The following KIF18A variants were observed in gnomAD, a reference collection of about 807,000 sequenced individuals.
KIF18A encodes kinesin family member 18A, also known as kinesin-like protein KIF18A.
A neutral mutation model predicts 103.3 loss-of-function variants in KIF18A; 67 were observed. The observed-to-expected ratio is 0.65, with a 90% confidence interval of 0.53 to 0.79. KIF18A has a LOEUF of 0.79. KIF18A is among the 30% of genes least tolerant of loss of function. KIF18A has a pLI of 0.00. For synonymous variants in KIF18A, 367 were observed against 355.5 expected (o/e 1.03, Z -0.36); for missense variants, 1,032 against 1,062.5 (o/e 0.97, Z 0.40).
At position 28,091,343 on chromosome 11, in the gene KIF18A, C is replaced by T. The variant is rs1014696907; in HGVS notation, c.588+66G>A. On this transcript the variant is annotated intron_variant, in intron 4 of 16. Coordinates refer to ENST00000263181, the MANE Select transcript of KIF18A (RefSeq NM_031217.4). ...AACAGGATGGAAAGTAAGTGCATGG[C>T]TGGTGAAAATAGCTTAATAGTCACA... 1.8e-5 allele frequency: 14 copies of T among 794,990 alleles called. No homozygotes were observed. The East Asian group carries it at 3.2e-4, about 18-fold the overall frequency. 49.2% of individuals were successfully genotyped at this position (794,990 alleles called of 1,614,324 possible).
At chr11:28,073,009 T>A (rs1851040862) in intron 10 of KIF18A, among the ~76,000 whole-genome samples, 1 of 152,156 alleles carries the variant, frequency 6.6e-6, no homozygotes, top group African/African-American at 2.4e-5. Context: ...AAAGACTGCA[T>A]TTTGGCTACA....
In KIF18A at chr11:28,066,773, T is replaced by C. The variant is rs1053217280; in HGVS notation, c.1590+2486A>G. On this transcript the variant is annotated intron_variant, in intron 11 of 16. Coordinates refer to ENST00000263181, the MANE Select transcript of KIF18A (RefSeq NM_031217.4). ...CCCAAAAAGGTCAGAATCATTGTTCTGGAAGAGAAATTATATTATATTATA... is the reference window on the plus strand; with the variant it reads ...CCCAAAAAGGTCAGAATCATTGTTCCGGAAGAGAAATTATATTATATTATA... 2.0e-5 allele frequency among the ~76,000 whole-genome samples: 3 copies of C among 147,192 alleles called. No individual in the cohort carries two copies. In the East Asian group the frequency reaches 5.9e-4, roughly 29 times the overall value.
Position 28,077,148 on chromosome 11 carries a change from G to A in KIF18A, c.1284C>T (p.Cys428=), listed in dbSNP as rs1430933750. The A allele has an allele frequency of 6.3e-7, 1 of 1,574,948 alleles. No individual in the cohort carries two copies. The highest frequency in any genetic ancestry group is 8.6e-7 in the Non-Finnish European group (1 of 1,168,824). The stretch of plus-strand genomic sequence containing the variant: ...TAATTTCTTCTCGATTCTGGAACAA[G>A]CAGTTCAGGATTTCTTGAAACCTAC... ...EIERFQEILN[C]LFQNREEIRQ... is the part of the protein sequence containing the mutation. The change falls in exon 10 of 17, where the codon TGC becomes TGT. Residue 428 remains cysteine, a synonymous_variant. Coordinates refer to ENST00000263181, the MANE Select transcript of KIF18A (RefSeq NM_031217.4).
At chr11:28,050,744 C>A (rs559108751) in intron 13 of KIF18A, among the ~76,000 whole-genome samples, 1 of 151,764 alleles carries the variant, frequency 6.6e-6, no homozygotes, top group African/African-American at 2.4e-5. Flanking sequence ...GCTGTCAGCA[C>A]CCCCGTCTTG....
At chr11:28,027,230 A>C (rs1250828412) in intron 15 of KIF18A, among the ~76,000 whole-genome samples, 3 of 152,010 alleles carry the variant, frequency 2.0e-5, no homozygotes, top group Non-Finnish European at 4.4e-5. Context: ...AGGTAGAGGA[A>C]GTCAGATCCA....
chr11:28,055,598 G>C (rs180896383), intron 13 of KIF18A, among the ~76,000 whole-genome samples: 10 of 152,242 alleles, frequency 6.6e-5, no homozygotes, highest in Non-Finnish European at 1.3e-4. Context: ...GGGCAAATCA[G>C]AAATAGGCAG....
intron 13 of KIF18A, among the ~76,000 whole-genome samples, chr11:28,051,559 C>T (rs951624459): frequency 2.0e-5 from 3 of 151,724 alleles, no homozygotes; most frequent in African/African-American, 7.3e-5. Context: ...AATGGAAAGG[C>T]CTTTTGAGGA....
chr11:28,078,070 A>G (rs929425629), intron 9 of KIF18A, among the ~76,000 whole-genome samples: 7 of 152,196 alleles, frequency 4.6e-5, no homozygotes, highest in Admixed American at 2.6e-4. Context: ...ATAAACATTC[A>G]TAACAGTGAA....
intron 11 of KIF18A, among the ~76,000 whole-genome samples, chr11:28,064,397 A>G (rs1850891446): frequency 6.6e-6 from 1 of 152,002 alleles, no homozygotes; most frequent in Admixed American, 6.6e-5. Context: ...ATTACTAGTT[A>G]GAAAATTGGA....
intron 11 of KIF18A, among the ~76,000 whole-genome samples, chr11:28,066,618 C>G (rs1177900909): frequency 6.6e-6 from 1 of 151,432 alleles, no homozygotes; most frequent in African/African-American, 2.4e-5. Context: ...AATCTTGTGT[C>G]AATGGAAGGG....
intron 13 of KIF18A, among the ~76,000 whole-genome samples, chr11:28,037,169 G>A (rs142576783): frequency 6.6e-6 from 1 of 151,468 alleles, no homozygotes; most frequent in African/African-American, 2.4e-5. Flanking sequence ...TAGGGTTTGG[G>A]TGTCAGTGAC....
intron 7 of KIF18A, 80 bp from the exon 8 acceptor site, chr11:28,083,323 A>G (rs1302868201): frequency 1.4e-6 from 2 of 1,396,924 alleles, no homozygotes; most frequent in South Asian, 1.6e-5. Context: ...ATGACATTGC[A>G]TTTTCATTGA....
At position 28,084,757 on chromosome 11, in the gene KIF18A, T is replaced by C; in HGVS notation, c.949A>G (p.Lys317Glu). 6.2e-7 allele frequency: 1 copy of C among 1,613,298 alleles called. No individual in the cohort carries two copies. The highest frequency in any genetic ancestry group is 8.5e-7 in the Non-Finnish European group (1 of 1,179,368). The change falls in exon 7 of 17, where the codon AAG becomes GAG. Residue 317 changes from lysine to glutamate, a missense_variant. Coordinates refer to ENST00000263181, the MANE Select transcript of KIF18A (RefSeq NM_031217.4). ...TGACAGTTTCCTCCAAGAGAATCCT[T>C]TAACAAGCGAGTAAGCTTACTATTT... ...YRNSKLTRLL[K>E]DSLGGNCQTI...
intron 13 of KIF18A, among the ~76,000 whole-genome samples, chr11:28,039,534 G>A (rs1850533908): frequency 6.6e-6 from 1 of 151,692 alleles, no homozygotes; most frequent in Admixed American, 6.6e-5. Context: ...AGTGGCAACT[G>A]GGCAAATTCC....
intron 1 of KIF18A, among the ~76,000 whole-genome samples, chr11:28,101,512 C>T (rs1016684732): frequency 1.3e-5 from 2 of 152,104 alleles, no homozygotes; most frequent in East Asian, 1.9e-4. Context: ...AGCTCTATGA[C>T]GTACTGACTG....
chr11:28,064,128 TC>T (rs1304315002), intron 11 of KIF18A, among the ~76,000 whole-genome samples: 1 of 151,204 alleles, frequency 6.6e-6, no homozygotes, highest in African/African-American at 2.4e-5. Context: ...TCATTATACT[TC>T]AAGAAATATA....
intron 16 of KIF18A, among the ~76,000 whole-genome samples, chr11:28,022,353 C>T (rs1228021826): frequency 1.3e-5 from 2 of 151,942 alleles, no homozygotes; most frequent in African/African-American, 4.8e-5. Flanking sequence ...CAAGCTCCGC[C>T]TCCCAGGTTC....
intron 11 of KIF18A, among the ~76,000 whole-genome samples, chr11:28,068,350 A>G (rs1850964491): frequency 6.6e-6 from 1 of 151,698 alleles, no homozygotes; most frequent in African/African-American, 2.4e-5. Context: ...TGACGAGTTG[A>G]TAGGTGCAGC....
At chr11:28,028,698 T>C (rs1236490776) in intron 15 of KIF18A, among the ~76,000 whole-genome samples, 2 of 151,614 alleles carry the variant, frequency 1.3e-5, no homozygotes, top group African/African-American at 4.9e-5. Context: ...CTGAAGGAGA[T>C]AGAGACGCAA....
Sources: gnomAD v4.1 joint callset for allele counts (sites outside exome capture counted in the v4.1 genomes callset) on GRCh38, gnomAD v4.1.1 for gene constraint, MANE v1.5 for transcripts, NCBI Gene and HGNC (gene_info 2026-07-23, HGNC 2026-07-21) for gene names.